Variants in MYT1L observed in about 807,000 individuals in gnomAD.
MYT1L encodes myelin transcription factor 1-like protein.
Under a neutral mutation model 126.7 loss-of-function variants are expected in MYT1L, and 12 were observed. The ratio of observed to expected loss-of-function variants is 0.09; its 90% CI spans 0.06 to 0.15. The LOEUF (loss-of-function observed/expected upper bound fraction) is 0.15, where lower values mean the gene tolerates loss of function less well. Among genes scored for constraint, MYT1L ranks in the 10% least tolerant of loss-of-function variants. The pLI is 1.00. For missense variants in MYT1L, 979 were observed against 1,585.2 expected (o/e 0.62, Z 6.49); for synonymous variants, 541 against 604.2 (o/e 0.90, Z 1.53).
rs549797068 is a variant in MYT1L, at chr2:2,198,955, A to G, written c.-420-25967T>C. 3.3e-5 allele frequency among the ~76,000 whole-genome samples: 5 copies of G among 152,336 alleles called. No homozygotes were observed. The South Asian group carries it at 8.3e-4, about 25-fold the overall frequency. On this transcript the variant is annotated intron_variant, in intron 2 of 24. Transcript: ENST00000647738. Reference sequence around the variant, plus strand: ...GCATTGAAACATCACACCATATTCCATAAGCATGTACAATTACCACGTGTC... The same window carrying G: ...GCATTGAAACATCACACCATATTCCGTAAGCATGTACAATTACCACGTGTC...
At chr2:2,154,334 A>G (rs1305343269) in intron 3 of MYT1L, among the ~76,000 whole-genome samples, 1 of 152,114 alleles carries the variant, frequency 6.6e-6, no homozygotes, top group Non-Finnish European at 1.5e-5. Context: ...GAAACTTAAA[A>G]CCCGTGGTGA....
intron 4 of MYT1L, among the ~76,000 whole-genome samples, chr2:1,998,924 T>C (rs2062112163): frequency 6.6e-6 from 1 of 151,728 alleles, no homozygotes; most frequent in Admixed American, 6.6e-5. Context: ...AGAAAGAAAA[T>C]GTTCGCACTG....
chr2:2,036,394 C>T (rs924264824), intron 4 of MYT1L, among the ~76,000 whole-genome samples: 4 of 102,894 alleles, frequency 3.9e-5, no homozygotes, highest in African/African-American at 1.6e-4. Flanking sequence ...CCTAACTTCT[C>T]CCCACAATCT....
chr2:1,979,816 C>A lies in MYT1L; in HGVS notation c.1-39G>T. The stretch of plus-strand genomic sequence containing the variant: ...AGCAGCCATCAATGTGCTTATCCTG[C>A]CTGTGCAGGCCAGCCCTGCAGGGGC... On this transcript the variant is annotated intron_variant, in intron 5 of 24. Transcript: ENST00000647738. The surrounding 1 kb of genome is among the most constrained non-coding windows in gnomAD (Gnocchi z 4.0). 1 of 1,609,164 alleles carries A rather than the reference C, an allele frequency of 6.2e-7. No individual in the cohort carries two copies. Among genetic ancestry groups the A allele is most frequent in the Non-Finnish European group, 8.5e-7 (1 of 1,176,180 alleles).
chr2:2,287,199 G>A (rs2095533945), intron 1 of MYT1L, among the ~76,000 whole-genome samples: 1 of 152,154 alleles, frequency 6.6e-6, no homozygotes, highest in Admixed American at 6.5e-5. Context: ...GAGGTTGCGT[G>A]AGCAGAGGTC....
At chr2:2,250,424 T>C (rs2094614814) in intron 2 of MYT1L, among the ~76,000 whole-genome samples, 1 of 152,122 alleles carries the variant, frequency 6.6e-6, no homozygotes, top group Non-Finnish European at 1.5e-5. Context: ...AGACAAACAT[T>C]ACATATTCTC....
In MYT1L at chr2:1,934,665, C is replaced by T. The variant is rs143200801; in HGVS notation, c.505+8317G>A. ...GAACGAATTACACCACTGTCTCTGT[C>T]TCTCTGTCTGTCTCATTCTCTCTTT... On this transcript the variant is annotated intron_variant, in intron 9 of 24. Transcript: ENST00000647738. Among the ~76,000 whole-genome samples the T allele has an allele frequency of 2.3e-3, 356 of 151,980 alleles. 3 individuals carry two copies. Among genetic ancestry groups the T allele is most frequent in the African/African-American group, 8.4e-3 (348 of 41,434 alleles).
intron 2 of MYT1L, among the ~76,000 whole-genome samples, chr2:2,262,770 C>G (rs1361495175): frequency 6.6e-6 from 1 of 150,792 alleles, no homozygotes; most frequent in Non-Finnish European, 1.5e-5. Context: ...GCTTTTCTAG[C>G]CCGCCCAAAG....
At chr2:2,298,598 C>T (rs930517916) in intron 1 of MYT1L, among the ~76,000 whole-genome samples, 2 of 152,292 alleles carry the variant, frequency 1.3e-5, no homozygotes, top group East Asian at 1.9e-4. Flanking sequence ...ACCTTAGATT[C>T]TGTTATCCAT....
intron 5 of MYT1L, among the ~76,000 whole-genome samples, chr2:1,984,673 C>A (rs1240163443): frequency 2.2e-4 from 33 of 151,992 alleles, no homozygotes; most frequent in Non-Finnish European, 1.3e-4. Flanking sequence ...CCATGCCCGG[C>A]TAATTTTTTG....
chr2:2,218,422 G>A (rs536056391), intron 2 of MYT1L, among the ~76,000 whole-genome samples: 18 of 152,176 alleles, frequency 1.2e-4, no homozygotes, highest in Non-Finnish European at 2.6e-4. Flanking sequence ...AGCAAGATGG[G>A]TGAATCTCAA....
At chr2:2,319,403 G>T (rs562129738) in intron 1 of MYT1L, 3 of 151,988 alleles carry the variant, frequency 2.0e-5, no homozygotes, top group Admixed American at 2.0e-4. Flanking sequence ...GGCTTGCTGC[G>T]TTGGAACTCT....
intron 3 of MYT1L, among the ~76,000 whole-genome samples, chr2:2,101,015 G>A (rs1354582729): frequency 6.6e-6 from 1 of 151,670 alleles, no homozygotes; most frequent in Non-Finnish European, 1.5e-5. Flanking sequence ...CAAATAAGCA[G>A]TTTGTTTCTA....
intron 2 of MYT1L, among the ~76,000 whole-genome samples, chr2:2,225,108 GTTTT>G (rs879360021): frequency 2.7e-5 from 4 of 146,832 alleles, no homozygotes; most frequent in Admixed American, 6.8e-5. Context: ...CTGTTTAAAG[GTTTT>G]TTTTTTTTCT....
chr2:2,146,451 G>T (rs1490518222), intron 3 of MYT1L, among the ~76,000 whole-genome samples: 1 of 152,136 alleles, frequency 6.6e-6, no homozygotes, highest in Non-Finnish European at 1.5e-5. Flanking sequence ...CTAAGGTGAG[G>T]GCTGCGGAGG....
At chr2:2,185,201 AAAT>A (rs987583975) in intron 2 of MYT1L, among the ~76,000 whole-genome samples, 13 of 152,218 alleles carry the variant, frequency 8.5e-5, no homozygotes, top group East Asian at 3.8e-4. Context: ...CTAGACTTAA[AAAT>A]AATAATAATA....
chr2:1,792,791 A>ACC lies in MYT1L; in HGVS notation c.3277-329_3277-328dup, dbSNP rs2032412983. 2.9e-5 allele frequency among the ~76,000 whole-genome samples: 4 copies of ACC among 139,554 alleles called. No homozygotes were observed. The South Asian group carries it at 9.7e-4, about 34-fold the overall frequency. 91.6% of individuals were successfully genotyped at this position (139,554 alleles called of 152,430 possible). On this transcript the variant is annotated intron_variant, in intron 23 of 24. Coordinates refer to ENST00000647738, the MANE Select transcript of MYT1L (RefSeq NM_001303052.2). The stretch of plus-strand genomic sequence containing the variant: ...AGACTGAGACATGAGAATAGCTTGA[A>ACC]CCCGAGAGGCGGAGGTTGCAGTGAG...
intron 4 of MYT1L, among the ~76,000 whole-genome samples, chr2:2,000,769 C>G (rs953527764): frequency 3.3e-5 from 5 of 152,196 alleles, no homozygotes; most frequent in Non-Finnish European, 4.4e-5. Context: ...CGTAAGGGTT[C>G]TAAGGCCCTG....
intron 14 of MYT1L, among the ~76,000 whole-genome samples, chr2:1,899,664 C>G (rs1211330957): frequency 2.0e-5 from 3 of 152,256 alleles, no homozygotes; most frequent in South Asian, 2.1e-4. Context: ...CTGTGTGTTT[C>G]CCTACTTTTG....
Sources: allele counts gnomAD v4.1 joint callset (sites outside exome capture counted in the v4.1 genomes callset), GRCh38; gene constraint gnomAD v4.1.1; non-coding constraint Gnocchi (gnomAD v3.1); transcripts MANE v1.5; gene names NCBI Gene and HGNC (gene_info 2026-07-23, HGNC 2026-07-21).